The following SH3BGRL2 variants were observed in gnomAD, a reference collection of about 807,000 sequenced individuals.
SH3BGRL2 encodes SH3 domain binding glutamate rich protein like 2.
In SH3BGRL2, 21 loss-of-function variants were observed where a neutral mutation model predicts 14.8. That is an observed-to-expected ratio of 1.42 (90% CI 1.01 to 2.05). The LOEUF is 2.05. Among genes scored for constraint, SH3BGRL2 ranks in the 30% most tolerant of loss-of-function variants. The pLI is 0.00. For synonymous variants in SH3BGRL2, 50 were observed against 47.8 expected, an observed-to-expected ratio of 1.05 and a Z score of -0.19; for missense variants, 147 against 130.8, an observed-to-expected ratio of 1.12 and a Z score of -0.61.
the SH3BGRL2 span, among the ~76,000 whole-genome samples, chr6:79,604,606 TTC>T: frequency 2.0e-5 from 3 of 152,196 alleles, no homozygotes; most frequent in Admixed American, 1.3e-4. Context: ...GGTTATTCTC[TTC>T]TCTCTTCAGG....
chr6:79,597,390 G>A, the SH3BGRL2 span, among the ~76,000 whole-genome samples: 1 of 146,246 alleles, frequency 6.8e-6, no homozygotes, highest in African/African-American at 2.5e-5. Context: ...AGGGAAGGAA[G>A]GAGGAAGGAA....
the SH3BGRL2 span, among the ~76,000 whole-genome samples, chr6:79,600,896 T>G: frequency 2.0e-5 from 3 of 152,156 alleles, no homozygotes; most frequent in Non-Finnish European, 2.9e-5. Flanking sequence ...TCACACCATC[T>G]TCCCAGGTGA....
intron 1 of SH3BGRL2, among the ~76,000 whole-genome samples, chr6:79,663,079 C>A (rs529407504): frequency 6.6e-6 from 1 of 152,222 alleles, no homozygotes; most frequent in East Asian, 1.9e-4. Flanking sequence ...AGCTTCCTTG[C>A]GAAGGGTTAG....
chr6:79,558,201 A>G, the SH3BGRL2 span, among the ~76,000 whole-genome samples: 3 of 152,168 alleles, frequency 2.0e-5, no homozygotes, highest in Admixed American at 2.0e-4. Context: ...AGAGCCTGCT[A>G]CTGAAACTCC....
At chr6:79,554,974 T>A in the SH3BGRL2 span, among the ~76,000 whole-genome samples, 1 of 152,070 alleles carries the variant, frequency 6.6e-6, no homozygotes, top group African/African-American at 2.4e-5. Flanking sequence ...TCTAGCTAGA[T>A]AATGTAAAAT....
the SH3BGRL2 span, among the ~76,000 whole-genome samples, chr6:79,557,501 G>A: frequency 0.11 from 17,367 of 151,918 alleles, 1,109 homozygotes; most frequent in Non-Finnish European, 0.13. Flanking sequence ...TCCAGTATAG[G>A]TTTTTAAAAA....
At chr6:79,613,112 G>A in the SH3BGRL2 span, among the ~76,000 whole-genome samples, 1 of 152,208 alleles carries the variant, frequency 6.6e-6, no homozygotes, top group African/African-American at 2.4e-5. Context: ...CATCTCTACA[G>A]GCTGGTTAGA....
chr6:79,594,112 G>T, the SH3BGRL2 span, among the ~76,000 whole-genome samples: 1 of 151,508 alleles, frequency 6.6e-6, no homozygotes, highest in East Asian at 1.9e-4. Flanking sequence ...GAAGAATAGA[G>T]AAGCTTGACT....
chr6:79,633,505 G>A (rs147672547), intron 1 of SH3BGRL2, among the ~76,000 whole-genome samples: 25 of 151,926 alleles, frequency 1.6e-4, no homozygotes, highest in African/African-American at 5.3e-4. Flanking sequence ...ACATTTTATT[G>A]TGAAGGCTCA....
chr6:79,624,778 T>C, the SH3BGRL2 span, among the ~76,000 whole-genome samples: 8 of 152,064 alleles, frequency 5.3e-5, no homozygotes, highest in Non-Finnish European at 8.8e-5. Context: ...AAGAATAAGG[T>C]GCTGGGGGAA....
chr6:79,642,779 C>T (rs1418931899), intron 1 of SH3BGRL2, among the ~76,000 whole-genome samples: 1 of 152,200 alleles, frequency 6.6e-6, no homozygotes, highest in African/African-American at 2.4e-5. Context: ...CATGCCTTGT[C>T]TGTCACCCCA....
the SH3BGRL2 span, among the ~76,000 whole-genome samples, chr6:79,542,608 A>G: frequency 3.9e-5 from 6 of 152,152 alleles, no homozygotes; most frequent in Non-Finnish European, 7.3e-5. Flanking sequence ...AGGACTCAAC[A>G]AACTGCATTT....
intron 2 of SH3BGRL2, 95 bp from the exon 3 acceptor site, chr6:79,696,390 A>G (rs1201214780): frequency 2.3e-5 from 21 of 914,930 alleles, no homozygotes. Flanking sequence ...GCAATGGTAC[A>G]TTTTTTACTT....
At chr6:79,699,129 G>A (rs994731583) in intron 3 of SH3BGRL2, among the ~76,000 whole-genome samples, 10 of 152,048 alleles carry the variant, frequency 6.6e-5, no homozygotes, top group East Asian at 1.9e-4. Flanking sequence ...AGATATGGTC[G>A]TTCTAGAGTG....
chr6:79,635,051 T>C (rs1027040031), intron 1 of SH3BGRL2, among the ~76,000 whole-genome samples: 1 of 152,150 alleles, frequency 6.6e-6, no homozygotes, highest in Non-Finnish European at 1.5e-5. Context: ...ATCTCAGAGA[T>C]GTCTTTAGTT....
At chr6:79,573,229 C>G in the SH3BGRL2 span, among the ~76,000 whole-genome samples, 16,239 of 152,122 alleles carry the variant, frequency 0.11, 981 homozygotes, top group Non-Finnish European at 0.13. Flanking sequence ...CCCATCATCT[C>G]AGCAGTATTT....
At chr6:79,591,535 G>A in the SH3BGRL2 span, among the ~76,000 whole-genome samples, 1 of 152,112 alleles carries the variant, frequency 6.6e-6, no homozygotes, top group African/African-American at 2.4e-5. Context: ...AGCCATCCTA[G>A]TAGCTGGGAC....
At chr6:79,640,531 A>G (rs1257713864) in intron 1 of SH3BGRL2, among the ~76,000 whole-genome samples, 2 of 152,180 alleles carry the variant, frequency 1.3e-5, no homozygotes, top group Non-Finnish European at 2.9e-5. Flanking sequence ...CAATTTGGGA[A>G]CAATTTTGTT....
intron 2 of SH3BGRL2, among the ~76,000 whole-genome samples, chr6:79,682,261 C>A (rs966019922): frequency 6.6e-6 from 1 of 152,118 alleles, no homozygotes; most frequent in African/African-American, 2.4e-5. Flanking sequence ...AAGAAGACTG[C>A]AAACATTTGC....
Sources: gnomAD v4.1 joint callset for allele counts (sites outside exome capture counted in the v4.1 genomes callset) on GRCh38, gnomAD v4.1.1 for gene constraint, MANE v1.5 for transcripts, NCBI Gene and HGNC (gene_info 2026-07-23, HGNC 2026-07-21) for gene names.